CSRNP3: variants seen among roughly 807,000 people sequenced by gnomAD.
The protein encoded by CSRNP3 is cysteine/serine-rich nuclear protein 3.
A neutral mutation model predicts 48.0 loss-of-function variants in CSRNP3; 12 were observed. The ratio of observed to expected loss-of-function variants is 0.25; its 90% CI spans 0.16 to 0.41. CSRNP3 has a LOEUF of 0.41. CSRNP3 is among the 10% of genes least tolerant of loss of function. The probability of loss-of-function intolerance (pLI) is 1.00; values close to 1 mark genes in which losing one functional copy is unlikely to be tolerated. For synonymous variants in CSRNP3, 263 were observed against 269.7 expected (o/e 0.98, Z 0.24); for missense variants, 580 against 724.4 (o/e 0.80, Z 2.29).
chr2:165,663,275 G>A (rs534814891), intron 5 of CSRNP3, among the ~76,000 whole-genome samples: 1 of 152,282 alleles, frequency 6.6e-6, no homozygotes, highest in Admixed American at 6.5e-5. Flanking sequence ...TTTATTAGAT[G>A]TGTCAGAACC....
intron 3 of CSRNP3, among the ~76,000 whole-genome samples, chr2:165,532,398 G>A (rs1684825647): frequency 6.6e-6 from 1 of 152,020 alleles, no homozygotes; most frequent in South Asian, 2.1e-4. Flanking sequence ...TGCAAGGCTG[G>A]TTCAACATAT....
chr2:165,548,965 T>C (rs958380745), intron 3 of CSRNP3, among the ~76,000 whole-genome samples: 1 of 151,790 alleles, frequency 6.6e-6, no homozygotes, highest in African/African-American at 2.4e-5. Context: ...ACTGCTTACC[T>C]TCCTTTTAAC....
chr2:165,561,983 T>A lies in CSRNP3; in HGVS notation c.-23-33060T>A, dbSNP rs908464605. On this transcript the variant is annotated intron_variant, in intron 3 of 6. Transcript: ENST00000651982. ...GTAATATTAATTAACACATGAACAT[T>A]TTATTCTAACTTCGATTTTTATTTA... Among the ~76,000 whole-genome samples, 9 of 152,254 alleles carry A rather than the reference T, an allele frequency of 5.9e-5. No individual in the cohort carries two copies. In the East Asian group the frequency reaches 1.7e-3, roughly 29 times the overall value.
chr2:165,485,581 A>G lies in CSRNP3; in HGVS notation c.-282-9178A>G, dbSNP rs117821932. Among the ~76,000 whole-genome samples, 43 of 152,314 alleles carry G rather than the reference A, an allele frequency of 2.8e-4. No homozygotes were observed. In the East Asian group the frequency reaches 8.3e-3, roughly 29 times the overall value. On this transcript the variant is annotated intron_variant, in intron 1 of 6. Transcript: ENST00000651982. ...GCTACTTGGCTTTCAAACAGGGTCA[A>G]CCCAGAGCCAGAGTCCTATAGTCCC...
intron 3 of CSRNP3, among the ~76,000 whole-genome samples, chr2:165,566,207 G>A (rs1386053818): frequency 6.6e-5 from 3 of 45,616 alleles, no homozygotes; most frequent in Admixed American, 4.7e-4. Flanking sequence ...ATCCTATCGA[G>A]ATAAAAAAAA....
intron 4 of CSRNP3, among the ~76,000 whole-genome samples, chr2:165,605,707 T>C (rs1685999269): frequency 6.6e-6 from 1 of 152,114 alleles, no homozygotes. Flanking sequence ...TTAAAAAATT[T>C]ATAGGTCCAA....
At chr2:165,500,474 G>A (rs1171743753) in intron 2 of CSRNP3, among the ~76,000 whole-genome samples, 1 of 150,356 alleles carries the variant, frequency 6.7e-6, no homozygotes, top group Non-Finnish European at 1.5e-5. Context: ...TTTTGAGACG[G>A]AGTCTCCCTC....
At chr2:165,660,026 G>A (rs1335783513) in intron 5 of CSRNP3, among the ~76,000 whole-genome samples, 1 of 152,114 alleles carries the variant, frequency 6.6e-6, no homozygotes, top group Non-Finnish European at 1.5e-5. Context: ...TTTGTCAGTA[G>A]CAATCCTCTA....
intron 2 of CSRNP3, among the ~76,000 whole-genome samples, chr2:165,513,983 G>GT (rs1451384119): frequency 1.3e-5 from 2 of 152,210 alleles, no homozygotes; most frequent in East Asian, 3.8e-4. Context: ...AATCATAAGA[G>GT]TTAGATGCAC....
chr2:165,626,203 A>G (rs1686432738), intron 4 of CSRNP3, among the ~76,000 whole-genome samples: 1 of 152,078 alleles, frequency 6.6e-6, no homozygotes, highest in Non-Finnish European at 1.5e-5. Flanking sequence ...AACCTGGGCA[A>G]AAGAGTGAAA....
chr2:165,512,464 C>T (rs934717958), intron 2 of CSRNP3, among the ~76,000 whole-genome samples: 5 of 152,064 alleles, frequency 3.3e-5, no homozygotes, highest in Non-Finnish European at 4.4e-5. Flanking sequence ...TTTTTGAACA[C>T]GGGTGATTGA....
intron 4 of CSRNP3, among the ~76,000 whole-genome samples, chr2:165,642,103 AACACACACACAC>A (rs58624766): frequency 0.071 from 9,426 of 132,154 alleles, 394 homozygotes; most frequent in African/African-American, 0.13. Flanking sequence ...CACACACACA[AACACACACACAC>A]ACACACACAC....
rs767550198 is a variant in CSRNP3 at position 165,679,197 on chromosome 2, C to A, written c.1202C>A (p.Ala401Asp). 6.2e-7 allele frequency: 1 copy of A among 1,613,808 alleles called. No individual in the cohort carries two copies. Among genetic ancestry groups the A allele is most frequent in the South Asian group, 1.1e-5 (1 of 91,056 alleles). Residue 401 changes from alanine (A) to aspartate (D), a missense_variant, in exon 7 of 7, where the codon GCC (alanine) becomes GAC (aspartate). Around this residue, in one of 4 missense-constraint regions of CSRNP3, gnomAD observed 369 missense variants for 380.8 expected, o/e 0.97. Coordinates refer to ENST00000651982, the MANE Select transcript of CSRNP3 (RefSeq NM_001172173.2). The stretch of plus-strand genomic sequence containing the variant: ...TTCGTGGAAGGTTTGGGCACCCATG[C>A]CGAAGTTGTCCCTCTTCCTTCAGTT... ...DGFVEGLGTH[A>D]EVVPLPSVLC...
At chr2:165,617,796 G>A (rs1401659322) in intron 4 of CSRNP3, among the ~76,000 whole-genome samples, 2 of 152,206 alleles carry the variant, frequency 1.3e-5, no homozygotes, top group African/African-American at 2.4e-5. Flanking sequence ...TCCTGTGCGT[G>A]GCCCACATAA....
intron 3 of CSRNP3, among the ~76,000 whole-genome samples, chr2:165,567,571 A>G (rs1685314365): frequency 2.6e-5 from 4 of 152,112 alleles, no homozygotes; most frequent in Non-Finnish European, 5.9e-5. Context: ...TAATATCCAA[A>G]TAGAATGAAA....
chr2:165,542,113 T>G (rs903471711), intron 3 of CSRNP3, among the ~76,000 whole-genome samples: 9 of 152,136 alleles, frequency 5.9e-5, no homozygotes, highest in Admixed American at 5.9e-4. Context: ...TTCCAGAACT[T>G]TTGATACTTC....
chr2:165,507,585 A>ATGG, intron 2 of CSRNP3, among the ~76,000 whole-genome samples: 1 of 152,284 alleles, frequency 6.6e-6, no homozygotes, highest in East Asian at 1.9e-4. Flanking sequence ...GATATCCAGA[A>ATGG]TGGATATCAT....
intron 5 of CSRNP3, among the ~76,000 whole-genome samples, chr2:165,671,527 C>T (rs1361169010): frequency 6.6e-6 from 1 of 152,196 alleles, no homozygotes; most frequent in Non-Finnish European, 1.5e-5. Flanking sequence ...GCTGGAGCAG[C>T]TGAGACACAA....
At chr2:165,604,043 A>G (rs572295330) in intron 4 of CSRNP3, among the ~76,000 whole-genome samples, 189 of 152,346 alleles carry the variant, frequency 1.2e-3, no homozygotes, top group African/African-American at 4.4e-3. Flanking sequence ...TGATCAGTAC[A>G]TGATAAGTAT....
Sources: allele counts gnomAD v4.1 joint callset (sites outside exome capture counted in the v4.1 genomes callset), GRCh38; gene constraint gnomAD v4.1.1; regional missense constraint gnomAD v4.1.1; transcripts MANE v1.5; gene names NCBI Gene and HGNC (gene_info 2026-07-23, HGNC 2026-07-21).